The following COL13A1 variants were observed in gnomAD, a reference collection of about 807,000 sequenced individuals.
COL13A1 encodes collagen type XIII alpha 1 chain.
In COL13A1, 89 loss-of-function variants were observed where a neutral mutation model predicts 130.9. The observed-to-expected ratio is 0.68, with a 90% CI of 0.57 to 0.81. The LOEUF (loss-of-function observed/expected upper bound fraction) is 0.81. COL13A1 is among the 30% of genes least tolerant of loss of function. The pLI, the probability that COL13A1 is intolerant of heterozygous loss-of-function variation, is 0.00. For missense variants in COL13A1, 879 were observed against 934.6 expected, an observed-to-expected ratio of 0.94 and a Z score of 0.78; for synonymous variants, 402 against 341.6, an observed-to-expected ratio of 1.18 and a Z score of -1.95.
At position 69,918,302 on chromosome 10, in the gene COL13A1, C is replaced by A. The variant is rs2274181; in HGVS notation, c.984C>A (p.Ala328=). Residue 328 remains alanine, a synonymous_variant, in exon 19 of 41, where the codon GCC becomes GCA. Transcript: ENST00000645393. ...TCTGCCAGGGGGCGCCCGGAATTGC[C>A]GTGGCTGGGATGAAGGTCAGTGGAC... The part of the protein sequence containing the change: ...KHGAKGAPGI[A]VAGMKGEPGI... 11 of 1,612,604 alleles carry A rather than the reference C, an allele frequency of 6.8e-6. No homozygotes were observed. Among genetic ancestry groups the A allele is most frequent in the East Asian group, 2.2e-5 (1 of 44,860 alleles).
chr10:69,837,674 G>C (rs1181061785), intron 2 of COL13A1, among the ~76,000 whole-genome samples: 1 of 152,170 alleles, frequency 6.6e-6, no homozygotes, highest in Non-Finnish European at 1.5e-5. Flanking sequence ...AGAATCCCTG[G>C]GGAGCTGGAA....
intron 2 of COL13A1, among the ~76,000 whole-genome samples, chr10:69,858,818 A>G (rs1857180710): frequency 6.6e-6 from 1 of 152,200 alleles, no homozygotes; most frequent in Non-Finnish European, 1.5e-5. Flanking sequence ...AGCTGAAGCA[A>G]TAAATGTAAA....
At chr10:69,878,736 C>T (rs2059858868) in intron 6 of COL13A1, among the ~76,000 whole-genome samples, 1 of 152,352 alleles carries the variant, frequency 6.6e-6, no homozygotes, top group African/African-American at 2.4e-5. Context: ...CCCACTTGTC[C>T]TCCCAAAGTG....
At position 69,919,710 on chromosome 10, in the gene COL13A1, G is replaced by A. The variant is rs541590813; in HGVS notation, c.1072G>A (p.Gly358Arg). ...EGKPGPPGLL[G>R]KRGQRGEKGA... is the part of the protein sequence containing the mutation. ...GAAGCCGGGGCCCCCAGGTTTGCTG[G>A]GAAAGAGGGGGCAGAGGGTAGGATA... The change falls in exon 21 of 41, where the codon GGA becomes AGA. Residue 358 changes from glycine to arginine, a missense_variant. Transcript: ENST00000645393. 1 of 398,852 alleles carries A rather than the reference G, an allele frequency of 2.5e-6. No homozygotes were observed. Among genetic ancestry groups the A allele is most frequent in the African/African-American group, 2.1e-5 (1 of 48,756 alleles). 24.7% of individuals were successfully genotyped at this position (398,852 alleles called of 1,614,324 possible). A position where few individuals can be genotyped will look rare whatever the true frequency, so the allele number is the denominator to read the frequency against.
intron 2 of COL13A1, among the ~76,000 whole-genome samples, chr10:69,865,130 C>A (rs1859470421): frequency 6.6e-6 from 1 of 152,180 alleles, no homozygotes; most frequent in South Asian, 2.1e-4. Flanking sequence ...GAATGCCGGT[C>A]TCACCGCCAT....
At chr10:69,826,607 A>C (rs1847557811) in intron 2 of COL13A1, among the ~76,000 whole-genome samples, 1 of 152,162 alleles carries the variant, frequency 6.6e-6, no homozygotes, top group Admixed American at 6.5e-5. Flanking sequence ...CTCTGGGAAA[A>C]CTTCACCAAG....
chr10:69,915,975 T>C (rs1029163485), intron 17 of COL13A1, among the ~76,000 whole-genome samples: 1 of 152,144 alleles, frequency 6.6e-6, no homozygotes, highest in Non-Finnish European at 1.5e-5. Context: ...TTTCCTACTG[T>C]CAACAGCAGG....
At chr10:69,951,362 C>A (rs773316258) in intron 38 of COL13A1, among the ~76,000 whole-genome samples, 5 of 152,180 alleles carry the variant, frequency 3.3e-5, no homozygotes, top group Middle Eastern at 3.4e-3. Flanking sequence ...ACAAAGAACT[C>A]ACAACATTTT....
chr10:69,900,768 C>T (rs1041325035), intron 14 of COL13A1, among the ~76,000 whole-genome samples: 1 of 151,546 alleles, frequency 6.6e-6, no homozygotes, highest in Non-Finnish European at 1.5e-5. Context: ...TTGCTGGGGG[C>T]TTACTTGGAA....
At chr10:69,845,326 G>A (rs1012898832) in intron 2 of COL13A1, among the ~76,000 whole-genome samples, 1 of 151,748 alleles carries the variant, frequency 6.6e-6, no homozygotes, top group African/African-American at 2.4e-5. Context: ...CCAAGTAACT[G>A]GGATTACAGG....
intron 36 of COL13A1, 82 bp from the exon 37 acceptor site, chr10:69,945,589 T>C: frequency 6.4e-7 from 1 of 1,552,248 alleles, no homozygotes; most frequent in South Asian, 1.2e-5. Context: ...AGGTTTCCTG[T>C]ATTTCATACC....
intron 8 of COL13A1, 116 bp downstream of exon 8, chr10:69,887,607 T>G (rs2060727930): frequency 1.8e-6 from 2 of 1,129,488 alleles, no homozygotes; most frequent in Non-Finnish European, 2.6e-6. Flanking sequence ...CCCTGGTCAT[T>G]AAGGACTTGC....
intron 2 of COL13A1, among the ~76,000 whole-genome samples, chr10:69,846,440 G>A (rs573814194): frequency 6.6e-6 from 1 of 152,134 alleles, no homozygotes; most frequent in African/African-American, 2.4e-5. Flanking sequence ...TGCGACAGAC[G>A]GCCAGCCCAG....
At chr10:69,920,526 T>C (rs1427602449) in intron 21 of COL13A1, among the ~76,000 whole-genome samples, 4 of 152,094 alleles carry the variant, frequency 2.6e-5, no homozygotes, top group Admixed American at 6.5e-5. Flanking sequence ...AATGAGACCA[T>C]AAGGTCGAGG....
intron 30 of COL13A1, 65 bp downstream of exon 30, chr10:69,930,617 AG>A: frequency 6.5e-7 from 1 of 1,541,908 alleles, no homozygotes. Flanking sequence ...CCAGCTTTGC[AG>A]GGCTTTGCAC....
intron 2 of COL13A1, 130 bp downstream of exon 2, chr10:69,822,568 T>C: frequency 1.5e-6 from 1 of 653,170 alleles, no homozygotes; most frequent in Non-Finnish European, 2.4e-6. Flanking sequence ...GGAGTGACAA[T>C]ATCTGTGGTT....
chr10:69,922,312 C>T (rs2064793195), intron 22 of COL13A1, among the ~76,000 whole-genome samples: 1 of 152,152 alleles, frequency 6.6e-6, no homozygotes. Flanking sequence ...AGTCACAGTG[C>T]TCCTCAGCCT....
chr10:69,924,555 G>A (rs1384733607), intron 24 of COL13A1, among the ~76,000 whole-genome samples: 2 of 151,644 alleles, frequency 1.3e-5, no homozygotes, highest in Admixed American at 6.6e-5. Flanking sequence ...AGAACTGTGT[G>A]GGCTCTCGAT....
chr10:69,880,684 T>C (rs2060046626), intron 7 of COL13A1, 131 bp downstream of exon 7: 1 of 924,434 alleles, frequency 1.1e-6, no homozygotes, highest in Admixed American at 2.4e-5. Flanking sequence ...GCATGTGATG[T>C]GGTCAGCCCA....
Sources: allele counts gnomAD v4.1 joint callset (sites outside exome capture counted in the v4.1 genomes callset), GRCh38; gene constraint gnomAD v4.1.1; transcripts MANE v1.5; gene names NCBI Gene and HGNC (gene_info 2026-07-23, HGNC 2026-07-21).